Variants in KIF26B observed in about 807,000 individuals in gnomAD.
The protein encoded by KIF26B is kinesin family member 26B, also known as kinesin-like protein KIF26B.
KIF26B carries 63 observed loss-of-function variants against 151.2 expected under a neutral mutation model. The observed-to-expected ratio is 0.42, with a 90% CI of 0.34 to 0.51. The LOEUF is 0.51. KIF26B is among the 20% of genes least tolerant of loss of function. KIF26B has a pLI of 0.07. For synonymous variants in KIF26B, 1,357 were observed against 1,262.1 expected, an observed-to-expected ratio of 1.08 and a Z score of -1.59; for missense variants, 2,813 against 2,913.6, an observed-to-expected ratio of 0.97 and a Z score of 0.79.
At chr1:245,410,457 CTT>C (rs1674249836) in intron 3 of KIF26B, among the ~76,000 whole-genome samples, 1 of 152,070 alleles carries the variant, frequency 6.6e-6, no homozygotes, top group African/African-American at 2.4e-5. Context: ...CTCTCTCTCT[CTT>C]ATTTTTTGAG....
chr1:245,229,571 G>T (rs1272851920), intron 2 of KIF26B, among the ~76,000 whole-genome samples: 1 of 152,142 alleles, frequency 6.6e-6, no homozygotes, highest in Non-Finnish European at 1.5e-5. Context: ...TTTTGTCTTG[G>T]CCATCCTGTT....
intron 3 of KIF26B, among the ~76,000 whole-genome samples, chr1:245,410,702 G>A (rs566227878): frequency 9.4e-4 from 143 of 152,154 alleles, no homozygotes; most frequent in African/African-American, 3.3e-3. Flanking sequence ...TGTCTGCCTC[G>A]GCCCCCCAAA....
rs116176161 is a variant in KIF26B at position 245,320,688 on chromosome 1, T to C, written c.466-46146T>C. ...GTTTTTGTTTTGTTTTATTTATTTA[T>C]TTATTTTGGTGGCTTAGTCTCCTCT... On this transcript the variant is annotated intron_variant, in intron 2 of 14. Transcript: ENST00000407071. Among the ~76,000 whole-genome samples the C allele has an allele frequency of 8.5e-3, 1,294 of 152,284 alleles. 14 individuals are homozygous for C. The highest frequency in any genetic ancestry group is 0.028 in the African/African-American group (1,163 of 41,554).
intron 3 of KIF26B, among the ~76,000 whole-genome samples, chr1:245,393,126 C>T (rs893778166): frequency 1.3e-5 from 2 of 152,202 alleles, no homozygotes; most frequent in Non-Finnish European, 2.9e-5. Context: ...AGCCAAGATC[C>T]CGCCACTGCA....
chr1:245,270,182 C>G (rs1670826500), intron 2 of KIF26B, among the ~76,000 whole-genome samples: 1 of 123,586 alleles, frequency 8.1e-6, no homozygotes. Flanking sequence ...TTCTTCCCTT[C>G]CATTCCTTCT....
chr1:245,354,559 G>A (rs770189569), intron 2 of KIF26B, among the ~76,000 whole-genome samples: 1 of 152,226 alleles, frequency 6.6e-6, no homozygotes. Flanking sequence ...GCCAGATGGC[G>A]GGGGAGTTGG....
rs910974002 is a variant in KIF26B, at chr1:245,686,334, G to A, written c.3351G>A (p.Glu1117=). The part of the protein sequence containing the change: ...SSKDSGVASR[E]SLLQPEVRTP... ...AGGATTCCGGCGTGGCGTCTAGGGA[G>A]TCCTTGCTGCAGCCCGAGGTGCGTA... is the stretch of plus-strand genomic sequence containing the variant. Residue 1117 remains glutamate, a synonymous_variant, in exon 12 of 15, where the codon GAG becomes GAA. Coordinates refer to ENST00000407071, the MANE Select transcript of KIF26B (RefSeq NM_018012.4). The surrounding 1 kb of genome is among the most constrained non-coding windows in gnomAD (Gnocchi z 5.6). 7 of 1,613,188 alleles carry A rather than the reference G, an allele frequency of 4.3e-6. No individual in the cohort carries two copies. In the African/African-American group the frequency reaches 8.0e-5, roughly 18 times the overall value.
intron 10 of KIF26B, among the ~76,000 whole-genome samples, chr1:245,666,911 T>A (rs1173744704): frequency 6.6e-6 from 1 of 151,706 alleles, no homozygotes; most frequent in African/African-American, 2.4e-5. Flanking sequence ...TTGGCCAGAG[T>A]CTTGGCCTCA....
intron 2 of KIF26B, among the ~76,000 whole-genome samples, chr1:245,266,347 C>G (rs926571543): frequency 6.6e-6 from 1 of 152,174 alleles, no homozygotes; most frequent in Admixed American, 6.5e-5. Context: ...GCTGGCAGGA[C>G]TGTAATTTGG....
chr1:245,235,225 TA>T (rs1206797393), intron 2 of KIF26B, among the ~76,000 whole-genome samples: 1 of 152,238 alleles, frequency 6.6e-6, no homozygotes, highest in Non-Finnish European at 1.5e-5. Context: ...CATAGTTAAT[TA>T]AAGGTAGGTG....
chr1:245,527,917 T>G (rs762722459), intron 4 of KIF26B, among the ~76,000 whole-genome samples: 1 of 151,988 alleles, frequency 6.6e-6, no homozygotes, highest in Non-Finnish European at 1.5e-5. Flanking sequence ...AAGCCCAGTT[T>G]CCATAATTGC....
intron 2 of KIF26B, among the ~76,000 whole-genome samples, chr1:245,213,753 C>T (rs1669590419): frequency 6.6e-6 from 1 of 152,208 alleles, no homozygotes; most frequent in Admixed American, 6.5e-5. Context: ...CCGTTCCTTA[C>T]TCCTTATTTA....
intron 3 of KIF26B, among the ~76,000 whole-genome samples, chr1:245,402,134 C>T (rs926028702): frequency 3.3e-5 from 5 of 152,162 alleles, no homozygotes; most frequent in Admixed American, 2.0e-4. Context: ...AGCAGCTGTT[C>T]TCCACGTTGG....
intron 2 of KIF26B, among the ~76,000 whole-genome samples, chr1:245,321,811 C>A (rs1671891745): frequency 6.6e-6 from 1 of 152,192 alleles, no homozygotes; most frequent in South Asian, 2.1e-4. Flanking sequence ...TTCAACCCAG[C>A]AGCCCTGACT....
chr1:245,324,235 C>T (rs1441426378), intron 2 of KIF26B, among the ~76,000 whole-genome samples: 1 of 152,198 alleles, frequency 6.6e-6, no homozygotes, highest in East Asian at 1.9e-4. Flanking sequence ...GATGTGGGTT[C>T]TGCACAGCTT....
chr1:245,279,372 A>ATTATAGC (rs1233122233), intron 2 of KIF26B, among the ~76,000 whole-genome samples: 1 of 149,458 alleles, frequency 6.7e-6, no homozygotes, highest in Non-Finnish European at 1.5e-5. Flanking sequence ...CAGTGGTGCA[A>ATTATAGC]TTATAGCTCA....
intron 9 of KIF26B, among the ~76,000 whole-genome samples, chr1:245,625,011 A>G (rs1013611099): frequency 1.3e-5 from 2 of 152,064 alleles, no homozygotes; most frequent in Non-Finnish European, 2.9e-5. Context: ...TTCCAGTATC[A>G]TTTGTTGTAA....
chr1:245,344,494 C>CAAAAAAAA (rs57007301), intron 2 of KIF26B, among the ~76,000 whole-genome samples: 30 of 40,022 alleles, frequency 7.5e-4, no homozygotes, highest in African/African-American at 1.3e-3. Context: ...GACTCCGTCT[C>CAAAAAAAA]AAAAAAAAAA....
chr1:245,158,137 T>C (rs1380234332), intron 2 of KIF26B, among the ~76,000 whole-genome samples: 1 of 152,166 alleles, frequency 6.6e-6, no homozygotes, highest in African/African-American at 2.4e-5. Context: ...TTCTTAAAGA[T>C]CTAGTAGCTG....
Sources: gnomAD v4.1 joint callset for allele counts (sites outside exome capture counted in the v4.1 genomes callset) on GRCh38, gnomAD v4.1.1 for gene constraint, Gnocchi (gnomAD v3.1) non-coding constraint, MANE v1.5 for transcripts, NCBI Gene and HGNC (gene_info 2026-07-23, HGNC 2026-07-21) for gene names.